Variants in PDS5A observed in about 807,000 individuals in gnomAD.
PDS5A encodes PDS5 cohesin associated factor A.
Under a neutral mutation model 167.1 loss-of-function variants are expected in PDS5A, and 42 were observed. The ratio of observed to expected loss-of-function variants is 0.25; its 90% CI spans 0.20 to 0.33. The LOEUF is 0.33. Among genes scored for constraint, PDS5A ranks in the 10% least tolerant of loss-of-function variants. The pLI is 1.00. For missense variants in PDS5A, 1,033 were observed against 1,605.9 expected (o/e 0.64, Z 6.10); for synonymous variants, 553 against 554.6 (o/e 1.00, Z 0.04).
At chr4:39,930,492 G>A (rs1578766441) in intron 2 of PDS5A, among the ~76,000 whole-genome samples, 1 of 151,744 alleles carries the variant, frequency 6.6e-6, no homozygotes, top group East Asian at 1.9e-4. Context: ...TTTAATTCAA[G>A]TTTGCATTCT....
At chr4:39,843,214 C>G (rs898661664) in intron 30 of PDS5A, among the ~76,000 whole-genome samples, 8 of 151,808 alleles carry the variant, frequency 5.3e-5, no homozygotes, top group African/African-American at 1.9e-4. Context: ...CTTTGTCACC[C>G]AGGCTGGAGT....
chr4:39,825,508 C>A lies in PDS5A; in HGVS notation c.4011-20G>T. The A allele has an allele frequency of 6.4e-7, 1 of 1,558,370 alleles. No homozygotes were observed. Among genetic ancestry groups the A allele is most frequent in the Non-Finnish European group, 8.7e-7 (1 of 1,145,104 alleles). ...TTTTACCTTAGGGTTAAGAATAGAA[C>A]GCAAAGTTAGAAAAGATGTGGAGAA... On this transcript the variant is annotated intron_variant, in intron 32 of 32. Coordinates refer to ENST00000303538, the MANE Select transcript of PDS5A (RefSeq NM_001100399.2).
At chr4:39,859,989 T>C (rs1401991337) in intron 26 of PDS5A, among the ~76,000 whole-genome samples, 1 of 152,046 alleles carries the variant, frequency 6.6e-6, no homozygotes, top group East Asian at 1.9e-4. Flanking sequence ...ATCCCAGAAA[T>C]TTGGGAGACC....
At chr4:39,957,267 G>C (rs1729009902) in intron 2 of PDS5A, among the ~76,000 whole-genome samples, 1 of 151,846 alleles carries the variant, frequency 6.6e-6, no homozygotes, top group African/African-American at 2.4e-5. Flanking sequence ...CCAGCGTGGG[G>C]GCTCACACCA....
intron 2 of PDS5A, among the ~76,000 whole-genome samples, chr4:39,967,417 G>A (rs1244947052): frequency 2.0e-5 from 3 of 152,168 alleles, no homozygotes; most frequent in East Asian, 1.9e-4. Context: ...GGAAGCCGAG[G>A]TGGGTGGATC....
At chr4:39,930,247 G>GTTTGT (rs1725915659) in intron 2 of PDS5A, among the ~76,000 whole-genome samples, 1 of 61,964 alleles carries the variant, frequency 1.6e-5, no homozygotes, top group Non-Finnish European at 3.2e-5. Context: ...AAAAAAAAAA[G>GTTTGT]TTTTTTTGTT....
At chr4:39,853,174 C>T (rs550766141) in intron 26 of PDS5A, among the ~76,000 whole-genome samples, 58 of 152,270 alleles carry the variant, frequency 3.8e-4, no homozygotes, top group African/African-American at 1.3e-3. Context: ...ATCCTGGACT[C>T]AAATAATCCT....
At chr4:39,945,831 T>C (rs919018144) in intron 2 of PDS5A, among the ~76,000 whole-genome samples, 3 of 152,078 alleles carry the variant, frequency 2.0e-5, no homozygotes, top group Non-Finnish European at 2.9e-5. Flanking sequence ...TGATCAAACA[T>C]TATGTAAGGT....
At chr4:39,883,940 C>CTTT (rs58050331) in intron 17 of PDS5A, among the ~76,000 whole-genome samples, 1 of 143,436 alleles carries the variant, frequency 7.0e-6, no homozygotes, top group Non-Finnish European at 1.5e-5. Flanking sequence ...TTCTCCTTTG[C>CTTT]TTTTTTTTTT....
intron 2 of PDS5A, among the ~76,000 whole-genome samples, chr4:39,932,152 C>G (rs1726130773): frequency 6.6e-6 from 1 of 152,196 alleles, no homozygotes; most frequent in Non-Finnish European, 1.5e-5. Context: ...CTCAGCCTCC[C>G]CAAATGCTGG....
At chr4:39,885,147 C>A (rs1721311218) in intron 17 of PDS5A, among the ~76,000 whole-genome samples, 2 of 148,530 alleles carry the variant, frequency 1.3e-5, no homozygotes, top group Admixed American at 1.4e-4. Context: ...CCTGTAGATA[C>A]AGCTACTCGG....
At chr4:39,836,888 A>G (rs1437860299) in intron 32 of PDS5A, 1 of 148,952 alleles carries the variant, frequency 6.7e-6, no homozygotes, top group Non-Finnish European at 1.5e-5. Flanking sequence ...GGCTCACTGC[A>G]ACCTCTGCCT....
intron 32 of PDS5A, among the ~76,000 whole-genome samples, chr4:39,833,191 CA>C (rs1166233113): frequency 7.4e-3 from 279 of 37,898 alleles, no homozygotes; most frequent in African/African-American, 0.032. Context: ...AACTCCGTCT[CA>C]AAAAAAAAAA....
intron 17 of PDS5A, among the ~76,000 whole-genome samples, chr4:39,886,015 T>G (rs1721439192): frequency 6.6e-6 from 1 of 152,170 alleles, no homozygotes; most frequent in South Asian, 2.1e-4. Flanking sequence ...AGATGAGAGA[T>G]AGCGGTCTAG....
At chr4:39,914,936 A>T (rs1029624704) in intron 8 of PDS5A, among the ~76,000 whole-genome samples, 1 of 152,274 alleles carries the variant, frequency 6.6e-6, no homozygotes, top group African/African-American at 2.4e-5. Flanking sequence ...GAATGTTTTA[A>T]CGTTCAAGAA....
intron 2 of PDS5A, among the ~76,000 whole-genome samples, chr4:39,939,367 T>C (rs556743685): frequency 6.6e-6 from 1 of 152,150 alleles, no homozygotes; most frequent in African/African-American, 2.4e-5. Context: ...CTCAAGAGAA[T>C]GAGATGGGAG....
At chr4:39,913,264 T>C (rs528501358) in intron 9 of PDS5A, among the ~76,000 whole-genome samples, 18 of 152,112 alleles carry the variant, frequency 1.2e-4, no homozygotes, top group African/African-American at 4.3e-4. Context: ...TTTGTATTTT[T>C]AGTAGAGACA....
intron 20 of PDS5A, among the ~76,000 whole-genome samples, chr4:39,873,770 G>A (rs1253414914): frequency 2.6e-5 from 4 of 152,158 alleles, no homozygotes; most frequent in Admixed American, 6.5e-5. Context: ...AAGGCTAGGT[G>A]TGGTGGCTCA....
intron 32 of PDS5A, among the ~76,000 whole-genome samples, chr4:39,835,072 G>A (rs923048376): frequency 2.0e-5 from 3 of 152,180 alleles, no homozygotes; most frequent in Admixed American, 2.0e-4. Flanking sequence ...CCGGGTAGCT[G>A]AGATTACAGG....
Sources: allele counts gnomAD v4.1 joint callset (sites outside exome capture counted in the v4.1 genomes callset), GRCh38; gene constraint gnomAD v4.1.1; transcripts MANE v1.5; gene names NCBI Gene and HGNC (gene_info 2026-07-23, HGNC 2026-07-21).